The following TUBB4A variants were observed in gnomAD, a reference collection of about 807,000 sequenced individuals.
TUBB4A encodes tubulin beta 4A class IVa.
In TUBB4A, 13 loss-of-function variants were observed where a neutral mutation model predicts 35.1. The observed-to-expected ratio is 0.37, with a 90% confidence interval of 0.24 to 0.59. TUBB4A has a LOEUF of 0.59. TUBB4A is among the 20% of genes least tolerant of loss of function. The pLI is 0.71. For synonymous variants in TUBB4A, 279 were observed against 272.4 expected (o/e 1.02, Z -0.24); for missense variants, 299 against 647.2 (o/e 0.46, Z 5.84).
Position 6,494,803 on chromosome 19 carries a change from T to G in TUBB4A, c.*361A>C. ...TCAAACATAAACCAGAACTTATAGG[T>G]CTAGAGGTAAAATGGGATTCATGGG... On this transcript the variant is annotated 3_prime_UTR_variant, in exon 4 of 4. Coordinates refer to ENST00000264071, the MANE Select transcript of TUBB4A (RefSeq NM_006087.4). 1 of 349,866 alleles carries G rather than the reference T, an allele frequency of 2.9e-6. No individual in the cohort carries two copies. The highest frequency in any genetic ancestry group is 5.3e-6 in the Non-Finnish European group (1 of 187,144). 21.7% of individuals were successfully genotyped at this position (349,866 alleles called of 1,614,324 possible).
At chr19:6,497,715 C>A (rs1466925832) in intron 3 of TUBB4A, among the ~76,000 whole-genome samples, 2 of 151,024 alleles carry the variant, frequency 1.3e-5, no homozygotes, top group East Asian at 3.9e-4. Context: ...GGGCAGATTG[C>A]GAGGTTAGGA....
At chr19:6,497,777 C>CAA (rs1914319463) in intron 3 of TUBB4A, among the ~76,000 whole-genome samples, 1 of 132,162 alleles carries the variant, frequency 7.6e-6, no homozygotes, top group African/African-American at 2.8e-5. Context: ...ACTGAAAATA[C>CAA]AAAAAATTAG....
Position 6,497,438 on chromosome 19 carries a change from CT to C in TUBB4A, c.278-1218del, listed in dbSNP as rs199768043. On this transcript the variant is annotated intron_variant, in intron 3 of 3. Coordinates refer to ENST00000264071, the MANE Select transcript of TUBB4A (RefSeq NM_006087.4). The stretch of plus-strand genomic sequence containing the variant: ...TACCAGATCTGGCTAATTTTTGTAT[CT>C]TTTTTTTGTAGAGGTGGGGTTTCGA... 9.1e-3 allele frequency among the ~76,000 whole-genome samples: 1,369 copies of C among 150,516 alleles called. 25 individuals are homozygous for C. The highest frequency in any genetic ancestry group is 0.029 in the African/African-American group (1,185 of 41,030).
Position 6,495,154 on chromosome 19 carries a change from T to C in TUBB4A, c.*10A>G. 1 of 1,612,866 alleles carries C rather than the reference T, an allele frequency of 6.2e-7. No individual in the cohort carries two copies. On this transcript the variant is annotated 3_prime_UTR_variant, in exon 4 of 4. Coordinates refer to ENST00000264071, the MANE Select transcript of TUBB4A (RefSeq NM_006087.4). This position sits in a 1 kb window ranked among gnomAD's most constrained non-coding sequence, Gnocchi z 8.7. ...CCTCGAGGGGACAGGTGGGAAGCGA[T>C]GGGAGCAGCCTAGGCCACCTCCTCC...
In TUBB4A at chr19:6,501,426, G is replaced by C. The variant is rs376873869; in HGVS notation, c.167-29C>G. The C allele has an allele frequency of 1.5e-5, 24 of 1,607,332 alleles. No homozygotes were observed. The highest frequency in any genetic ancestry group is 4.0e-5 in the African/African-American group (3 of 74,794). ...CAGGGAAACAGATGGAGGGCAGTTC[G>C]ATGCGTGCCAGGAACCACAGGCGCC... On this transcript the variant is annotated intron_variant, in intron 2 of 3. Coordinates refer to ENST00000264071, the MANE Select transcript of TUBB4A (RefSeq NM_006087.4). The surrounding 1 kb of genome is among the most constrained non-coding windows in gnomAD (Gnocchi z 4.2).
In TUBB4A at chr19:6,495,893, G is replaced by A. The variant is rs775406352; in HGVS notation, c.606C>T (p.Ile202=). 4 of 1,614,208 alleles carry A rather than the reference G, an allele frequency of 2.5e-6. No homozygotes were observed. The highest frequency in any genetic ancestry group is 3.3e-5 in the Admixed American group (2 of 60,026). ...LVENTDETYC[I]DNEALYDICF... ...AGATGTCGTAGAGTGCCTCGTTGTC[G>A]ATGCAGTAGGTCTCATCCGTATTCT... Residue 202 remains isoleucine, a synonymous_variant, in exon 4 of 4, where the codon ATC becomes ATT. Transcript: ENST00000264071. The surrounding 1 kb of genome is among the most constrained non-coding windows in gnomAD (Gnocchi z 8.7).
Position 6,495,168 on chromosome 19 carries a change from GCCACCTCCTCCT to G in TUBB4A, c.1319_1330del (p.Glu440_Val443del). The G allele has an allele frequency of 6.2e-7, 1 of 1,613,754 alleles. No homozygotes were observed. Among genetic ancestry groups the G allele is most frequent in the South Asian group, 1.1e-5 (1 of 91,062 alleles). On this transcript the variant is annotated inframe_deletion, in exon 4 of 4. Coordinates refer to ENST00000264071, the MANE Select transcript of TUBB4A (RefSeq NM_006087.4). The surrounding 1 kb of genome is among the most constrained non-coding windows in gnomAD (Gnocchi z 8.7). ...GTGGGAAGCGATGGGAGCAGCCTAGGCCACCTCCTCCTCCGCCTCCTCCTCGAACTCGCCCTC... is the reference window on the plus strand; with the variant it reads ...GTGGGAAGCGATGGGAGCAGCCTAGGCCGCCTCCTCCTCGAACTCGCCCTC...
chr19:6,502,608 G>A (rs921167543), upstream of TUBB4A: 2 of 202,834 alleles, frequency 9.9e-6, no homozygotes, highest in East Asian at 2.5e-4. Context: ...GGAGGGGAGC[G>A]CCTGGTAAAC....
At position 6,495,050 on chromosome 19, in the gene TUBB4A, C is replaced by T; in HGVS notation, c.*114G>A. On this transcript the variant is annotated 3_prime_UTR_variant, in exon 4 of 4. Coordinates refer to ENST00000264071, the MANE Select transcript of TUBB4A (RefSeq NM_006087.4). The surrounding 1 kb of genome is among the most constrained non-coding windows in gnomAD (Gnocchi z 8.7). ...CGAGCTCCAAAGGTATTGTTAGGGT[C>T]AGCGGGGAGTCAGCCTTGGAGGGAA... The T allele has an allele frequency of 3.1e-6, 4 of 1,279,190 alleles. No individual in the cohort carries two copies. The highest frequency in any genetic ancestry group is 4.3e-6 in the Non-Finnish European group (4 of 919,672). The allele number at this position is 1,279,190 out of a possible 1,614,324, so 79.2% of individuals were successfully genotyped here. A position where few individuals can be genotyped will look rare whatever the true frequency, so the allele number is the denominator to read the frequency against.
Position 6,502,251 on chromosome 19 carries a change from G to C in TUBB4A, c.-39C>G, listed in dbSNP as rs775857509. 6.0e-6 allele frequency: 9 copies of C among 1,489,930 alleles called. No individual in the cohort carries two copies. The highest frequency in any genetic ancestry group is 6.2e-6 in the Non-Finnish European group (7 of 1,128,156). 92.3% of individuals were successfully genotyped at this position (1,489,930 alleles called of 1,614,324 possible). ...AGGGTGGACGCGGCGGCGGTGGCAC[G>C]AGCGCGGGGAGCTGCGGCGGCGGCG... On this transcript the variant is annotated 5_prime_UTR_variant, in exon 1 of 4. Transcript: ENST00000264071.
chr19:6,499,996 A>C (rs760905082), intron 3 of TUBB4A, among the ~76,000 whole-genome samples: 2 of 152,090 alleles, frequency 1.3e-5, no homozygotes, highest in African/African-American at 2.4e-5. Context: ...TCTCCATGTT[A>C]GTCAGGCTGG....
At chr19:6,497,024 A>AAAATAT (rs1568410509) in intron 3 of TUBB4A, among the ~76,000 whole-genome samples, 2 of 22,004 alleles carry the variant, frequency 9.1e-5, no homozygotes, top group Non-Finnish European at 1.5e-4. Flanking sequence ...AAAAAAAAAA[A>AAAATAT]ATATATATAT....
Position 6,495,672 on chromosome 19 carries a change from C to T in TUBB4A, c.827G>A (p.Arg276Gln), listed in dbSNP as rs745369955. 50 of 1,613,948 alleles carry T rather than the reference C, an allele frequency of 3.1e-5. No individual in the cohort carries two copies. The highest frequency in any genetic ancestry group is 1.1e-5 in the South Asian group (1 of 91,092). ...FMPGFAPLTS[R>Q]GSQQYRALTV... ...CAGGGCCCGGTACTGCTGGCTGCCC[C>T]GGCTGGTCAGGGGTGCGAAGCCGGG... Residue 276 changes from arginine to glutamine, a missense_variant, in exon 4 of 4, where the codon CGG becomes CAG. Physicochemically the swap from Arg to Gln is conservative, Grantham distance 43. Around this residue, in one of 5 missense-constraint regions of TUBB4A, gnomAD observed 125 missense variants for 279.1 expected, o/e 0.45. Coordinates refer to ENST00000264071, the MANE Select transcript of TUBB4A (RefSeq NM_006087.4). The surrounding 1 kb of genome is among the most constrained non-coding windows in gnomAD (Gnocchi z 8.7).
intron 3 of TUBB4A, among the ~76,000 whole-genome samples, chr19:6,497,934 A>G (rs1217425348): frequency 6.9e-5 from 9 of 130,068 alleles, no homozygotes; most frequent in Non-Finnish European, 1.4e-4. Flanking sequence ...AATATTGGCC[A>G]GGCGTGGTGG....
In TUBB4A at chr19:6,502,266, C is replaced by T. The variant is rs776917713; in HGVS notation, c.-54G>A. The T allele has an allele frequency of 2.1e-5, 31 of 1,464,992 alleles. No individual in the cohort carries two copies. In the African/African-American group the frequency reaches 3.2e-4, roughly 15 times the overall value. 90.7% of individuals were successfully genotyped at this position (1,464,992 alleles called of 1,614,324 possible). A position where few individuals can be genotyped will look rare whatever the true frequency, so the allele number is the denominator to read the frequency against. On this transcript the variant is annotated 5_prime_UTR_variant, in exon 1 of 4. Transcript: ENST00000264071. Reference sequence around the variant, plus strand: ...GCGGTGGCACGAGCGCGGGGAGCTGCGGCGGCGGCGAGGGTGGAAGATGCG... The same window carrying T: ...GCGGTGGCACGAGCGCGGGGAGCTGTGGCGGCGGCGAGGGTGGAAGATGCG...
Position 6,501,822 on chromosome 19 carries a change from C to G in TUBB4A, c.58-199G>C. ...GGGCGGGGTGCAGCCGAGTCAGCAC[C>G]CAGCGGGGCCGGCTGGTGCCAGCGC... On this transcript the variant is annotated intron_variant, in intron 1 of 3. Transcript: ENST00000264071. The surrounding 1 kb of genome is among the most constrained non-coding windows in gnomAD (Gnocchi z 4.2). The G allele has an allele frequency of 1.7e-6, 1 of 598,096 alleles. No individual in the cohort carries two copies. The allele number at this position is 598,096 out of a possible 1,614,324, so 37.0% of individuals were successfully genotyped here. A position where few individuals can be genotyped will look rare whatever the true frequency, so the allele number is the denominator to read the frequency against.
intron 3 of TUBB4A, among the ~76,000 whole-genome samples, chr19:6,500,354 G>A (rs753670985): frequency 8.6e-5 from 13 of 151,864 alleles, no homozygotes; most frequent in Non-Finnish European, 1.6e-4. Flanking sequence ...GGCTGGTCTC[G>A]AACTCCTGAC....
At position 6,495,584 on chromosome 19, in the gene TUBB4A, C is replaced by T. The variant is rs149903666; in HGVS notation, c.915G>A (p.Pro305=). The change falls in exon 4 of 4, where the codon CCG becomes CCA. Residue 305 remains proline, a synonymous_variant. Transcript: ENST00000264071. This position sits in a 1 kb window ranked among gnomAD's most constrained non-coding sequence, Gnocchi z 8.7. ...DAKNMMAACD[P]RHGRYLTVAA... ...CCACGGTCAGGTAGCGGCCGTGGCG[C>T]GGGTCGCACGCCGCCATCATGTTCT... 2.0e-3 allele frequency: 3,295 copies of T among 1,613,872 alleles called. 15 individuals carry two copies. The highest frequency in any genetic ancestry group is 1.6e-3 in the Non-Finnish European group (1,889 of 1,179,896).
chr19:6,496,346 A>C, intron 3 of TUBB4A, 125 bp from the exon 4 acceptor site: 31 of 944,756 alleles, frequency 3.3e-5, no homozygotes, highest in Non-Finnish European at 4.3e-5. Context: ...ATAATAACAA[A>C]TAGCCGGGTG....
Sources: allele counts gnomAD v4.1 joint callset (sites outside exome capture counted in the v4.1 genomes callset), GRCh38; gene constraint gnomAD v4.1.1; regional missense constraint gnomAD v4.1.1; non-coding constraint Gnocchi (gnomAD v3.1); transcripts MANE v1.5; gene names NCBI Gene and HGNC (gene_info 2026-07-23, HGNC 2026-07-21).